KLHL1: variants seen among roughly 807,000 people sequenced by gnomAD.
The protein encoded by KLHL1 is kelch like family member 1, also known as kelch-like protein 1.
Under a neutral mutation model 77.7 loss-of-function variants are expected in KLHL1, and 47 were observed. The ratio of observed to expected loss-of-function variants is 0.60; its 90% confidence interval spans 0.48 to 0.77. The LOEUF (loss-of-function observed/expected upper bound fraction) is 0.77, where lower values mean the gene tolerates loss of function less well. Ranked by LOEUF, KLHL1 falls within the 30% of genes least tolerant of loss-of-function variation. The pLI is 0.00. For synonymous variants in KLHL1, 360 were observed against 325.2 expected, an observed-to-expected ratio of 1.11 and a Z score of -1.15; for missense variants, 925 against 910.8, an observed-to-expected ratio of 1.02 and a Z score of -0.20.
chr13:69,863,565 T>C (rs1880255779), intron 5 of KLHL1, among the ~76,000 whole-genome samples: 1 of 152,104 alleles, frequency 6.6e-6, no homozygotes, highest in African/African-American at 2.4e-5. Flanking sequence ...ACTTCTTTTA[T>C]ATTTGAATTT....
chr13:70,028,412 T>C (rs1232342878), intron 1 of KLHL1, among the ~76,000 whole-genome samples: 2 of 152,108 alleles, frequency 1.3e-5, no homozygotes, highest in African/African-American at 4.8e-5. Flanking sequence ...ATAGAACTGT[T>C]TGGATTGAAT....
In KLHL1 at chr13:69,788,441, C is replaced by T. The variant is rs1002145692; in HGVS notation, c.1639+8297G>A. 3.3e-5 allele frequency among the ~76,000 whole-genome samples: 5 copies of T among 152,088 alleles called. 1 individual carries two copies. Among genetic ancestry groups the T allele is most frequent in the Admixed American group, 1.3e-4 (2 of 15,276 alleles). ...AAACCAAACACCACATGTTCTCACT[C>T]ATAGGTGGGAATTGAACAATGAGAA... On this transcript the variant is annotated intron_variant, in intron 7 of 10. Coordinates refer to ENST00000377844, the MANE Select transcript of KLHL1 (RefSeq NM_020866.3).
At chr13:69,886,147 T>G (rs1334380167) in intron 4 of KLHL1, among the ~76,000 whole-genome samples, 1 of 152,122 alleles carries the variant, frequency 6.6e-6, no homozygotes, top group Non-Finnish European at 1.5e-5. Flanking sequence ...ATATTGAATC[T>G]CATGAACACA....
intron 1 of KLHL1, among the ~76,000 whole-genome samples, chr13:70,019,084 C>T (rs960763343): frequency 3.9e-5 from 6 of 152,262 alleles, no homozygotes; most frequent in African/African-American, 1.4e-4. Flanking sequence ...ATGTCAGAGT[C>T]CAAGAAATGA....
chr13:69,948,529 A>G (rs17085746), intron 3 of KLHL1, among the ~76,000 whole-genome samples: 19,471 of 152,002 alleles, frequency 0.13, 1,942 homozygotes, highest in East Asian at 0.29. Context: ...TAGGGTTCCA[A>G]TAAGGTGTGC....
chr13:70,037,309 G>A (rs1363364486), intron 1 of KLHL1, among the ~76,000 whole-genome samples: 2 of 151,954 alleles, frequency 1.3e-5, no homozygotes, highest in East Asian at 3.9e-4. Flanking sequence ...CACTGGAGAG[G>A]TTGCTAGGTT....
chr13:69,910,140 G>A (rs192077923), intron 4 of KLHL1, among the ~76,000 whole-genome samples: 1 of 151,958 alleles, frequency 6.6e-6, no homozygotes, highest in African/African-American at 2.4e-5. Flanking sequence ...AATTCCTTAT[G>A]TTTGCACAAC....
intron 8 of KLHL1, among the ~76,000 whole-genome samples, chr13:69,720,357 C>A (rs906384799): frequency 1.3e-5 from 2 of 152,078 alleles, no homozygotes; most frequent in African/African-American, 2.4e-5. Context: ...TAAGGCACAG[C>A]ATTGCATTTA....
Position 69,871,408 on chromosome 13 carries a change from C to T in KLHL1, c.1227+10875G>A, listed in dbSNP as rs192036910. 1.7e-3 allele frequency among the ~76,000 whole-genome samples: 257 copies of T among 152,190 alleles called. 2 individuals carry two copies. Among genetic ancestry groups the T allele is most frequent in the African/African-American group, 6.1e-3 (252 of 41,530 alleles). Reference sequence around the variant, plus strand: ...GATCTTGACTGTTAGCACCTGGATCCCCTTTAGTCACGCTAATTTCTCTAG... The same window carrying T: ...GATCTTGACTGTTAGCACCTGGATCTCCTTTAGTCACGCTAATTTCTCTAG... On this transcript the variant is annotated intron_variant, in intron 5 of 10. Coordinates refer to ENST00000377844, the MANE Select transcript of KLHL1 (RefSeq NM_020866.3).
chr13:70,075,783 GTA>G (rs1046887678), intron 1 of KLHL1, among the ~76,000 whole-genome samples: 3 of 140,644 alleles, frequency 2.1e-5, no homozygotes, highest in African/African-American at 2.6e-5. Context: ...ACATATATAT[GTA>G]TATATATATG....
intron 5 of KLHL1, among the ~76,000 whole-genome samples, chr13:69,855,321 T>C (rs938210590): frequency 4.2e-5 from 6 of 143,456 alleles, no homozygotes; most frequent in African/African-American, 8.1e-5. Flanking sequence ...GATAGATAGA[T>C]AGATAGATAG....
At chr13:70,015,244 A>T (rs1283828667) in intron 1 of KLHL1, among the ~76,000 whole-genome samples, 1 of 152,170 alleles carries the variant, frequency 6.6e-6, no homozygotes, top group Non-Finnish European at 1.5e-5. Context: ...CTGCACACCT[A>T]GACATATGAT....
At chr13:70,033,119 T>C (rs1350231575) in intron 1 of KLHL1, among the ~76,000 whole-genome samples, 2 of 152,208 alleles carry the variant, frequency 1.3e-5, no homozygotes, top group African/African-American at 4.8e-5. Context: ...TTCTGAATGG[T>C]TTATTTCCAA....
At chr13:70,030,184 A>G (rs1372746264) in intron 1 of KLHL1, among the ~76,000 whole-genome samples, 1 of 152,148 alleles carries the variant, frequency 6.6e-6, no homozygotes, top group East Asian at 1.9e-4. Context: ...AGACAGATCA[A>G]CGAGACAGAA....
intron 2 of KLHL1, among the ~76,000 whole-genome samples, chr13:69,975,083 A>G (rs374960721): frequency 1.3e-5 from 2 of 152,088 alleles, no homozygotes; most frequent in African/African-American, 4.8e-5. Flanking sequence ...TTTAATGAAT[A>G]AAACTATTAG....
intron 4 of KLHL1, among the ~76,000 whole-genome samples, chr13:69,917,323 A>G (rs571755844): frequency 6.6e-6 from 1 of 152,116 alleles, no homozygotes; most frequent in African/African-American, 2.4e-5. Flanking sequence ...AATTCTAAAA[A>G]TTATATATGA....
chr13:69,788,176 A>G (rs1347050452), intron 7 of KLHL1, among the ~76,000 whole-genome samples: 3 of 152,252 alleles, frequency 2.0e-5, no homozygotes, highest in East Asian at 3.9e-4. Flanking sequence ...TACCCAAAGG[A>G]TTATAAATCA....
chr13:69,851,811 A>G (rs995200794), intron 5 of KLHL1, among the ~76,000 whole-genome samples: 6 of 151,950 alleles, frequency 3.9e-5, no homozygotes, highest in Admixed American at 2.0e-4. Context: ...ATCTATCTGC[A>G]ACTCATGAAG....
At chr13:69,777,887 G>A (rs534807124) in intron 7 of KLHL1, among the ~76,000 whole-genome samples, 2 of 152,032 alleles carry the variant, frequency 1.3e-5, no homozygotes, top group Non-Finnish European at 2.9e-5. Context: ...GTATTATAGT[G>A]TGCATTTTAC....
Sources: allele counts gnomAD v4.1 joint callset (sites outside exome capture counted in the v4.1 genomes callset), GRCh38; gene constraint gnomAD v4.1.1; transcripts MANE v1.5; gene names NCBI Gene and HGNC (gene_info 2026-07-23, HGNC 2026-07-21).